ASTN2: variants seen among roughly 807,000 people sequenced by gnomAD.
The protein encoded by ASTN2 is astrotactin 2.
In ASTN2, 54 loss-of-function variants were observed where a neutral mutation model predicts 139.8. The ratio of observed to expected loss-of-function variants is 0.39; its 90% confidence interval spans 0.31 to 0.48. The LOEUF (loss-of-function observed/expected upper bound fraction) is 0.48. Among genes scored for constraint, ASTN2 ranks in the 20% least tolerant of loss-of-function variants. The pLI is 0.95. For missense variants in ASTN2, 1,565 were observed against 1,725.1 expected, an observed-to-expected ratio of 0.91 and a Z score of 1.64; for synonymous variants, 756 against 719.5, an observed-to-expected ratio of 1.05 and a Z score of -0.81.
At chr9:116,650,935 A>T (rs1184921365) in intron 17 of ASTN2, among the ~76,000 whole-genome samples, 2 of 146,736 alleles carry the variant, frequency 1.4e-5, no homozygotes, top group Admixed American at 6.7e-5. Flanking sequence ...TTTTTTTTTT[A>T]AACCAAGTCT....
At chr9:116,602,340 TAAG>T (rs1334034953) in intron 19 of ASTN2, among the ~76,000 whole-genome samples, 1 of 152,178 alleles carries the variant, frequency 6.6e-6, no homozygotes, top group Non-Finnish European at 1.5e-5. Context: ...GTCTTTGTTC[TAAG>T]AAGAAAAATT....
intron 2 of ASTN2, among the ~76,000 whole-genome samples, chr9:117,226,054 G>C (rs534451632): frequency 6.6e-6 from 1 of 152,126 alleles, no homozygotes; most frequent in South Asian, 2.1e-4. Context: ...ACATGGTAAG[G>C]GGCAAAGAGT....
rs1015287166 is a variant in ASTN2 at position 117,361,333 on chromosome 9, C to T, written c.442+53164G>A. Among the ~76,000 whole-genome samples the T allele has an allele frequency of 1.1e-4, 17 of 152,272 alleles. 1 individual carries two copies. The South Asian group carries it at 1.2e-3, about 11-fold the overall frequency. On this transcript the variant is annotated intron_variant, in intron 1 of 22. Transcript: ENST00000313400. ...GTGGGAGGCGGCCAGCATAGCAAGTCGCTCCCATGCATGGGGTCGTGTAGG... is the reference window on the plus strand; with the variant it reads ...GTGGGAGGCGGCCAGCATAGCAAGTTGCTCCCATGCATGGGGTCGTGTAGG...
intron 19 of ASTN2, among the ~76,000 whole-genome samples, chr9:116,525,951 C>T (rs1851071728): frequency 6.6e-6 from 1 of 152,220 alleles, no homozygotes; most frequent in East Asian, 1.9e-4. Flanking sequence ...TTTTCCTATG[C>T]TATTCCCTCA....
chr9:117,027,111 G>C (rs966514678), intron 6 of ASTN2, among the ~76,000 whole-genome samples: 3 of 152,162 alleles, frequency 2.0e-5, no homozygotes, highest in African/African-American at 7.2e-5. Context: ...TGAAAGGACG[G>C]TGATGGCAAT....
intron 2 of ASTN2, among the ~76,000 whole-genome samples, chr9:117,270,095 T>C (rs1834028875): frequency 6.6e-6 from 1 of 152,212 alleles, no homozygotes; most frequent in Non-Finnish European, 1.5e-5. Context: ...CAGTGTCACA[T>C]TACTAGCTGT....
At chr9:116,525,359 C>A (rs969284103) in intron 19 of ASTN2, among the ~76,000 whole-genome samples, 5 of 152,156 alleles carry the variant, frequency 3.3e-5, no homozygotes, top group African/African-American at 1.2e-4. Context: ...CTTCTTGGGG[C>A]CCTCCCAACA....
At chr9:117,395,065 T>C (rs1489012234) in intron 1 of ASTN2, among the ~76,000 whole-genome samples, 3 of 152,014 alleles carry the variant, frequency 2.0e-5, no homozygotes, top group African/African-American at 4.8e-5. Context: ...GACCCTTATT[T>C]CTCCCACAAC....
intron 10 of ASTN2, among the ~76,000 whole-genome samples, chr9:116,885,414 C>G (rs1360571216): frequency 1.3e-5 from 2 of 152,082 alleles, no homozygotes; most frequent in African/African-American, 4.8e-5. Context: ...GCCTATAATC[C>G]CAGCACTTTG....
At chr9:117,269,427 G>A (rs953291654) in intron 2 of ASTN2, among the ~76,000 whole-genome samples, 6 of 152,114 alleles carry the variant, frequency 3.9e-5, no homozygotes, top group African/African-American at 7.2e-5. Flanking sequence ...CTATTTCTGC[G>A]CTTGAAGGGG....
intron 2 of ASTN2, among the ~76,000 whole-genome samples, chr9:117,244,632 G>A (rs939468696): frequency 6.6e-5 from 9 of 136,432 alleles, no homozygotes; most frequent in Non-Finnish European, 1.4e-4. Flanking sequence ...AGAGAGGGAG[G>A]GATGGAGGAA....
At chr9:116,675,095 C>G (rs897005467) in intron 16 of ASTN2, among the ~76,000 whole-genome samples, 2 of 152,014 alleles carry the variant, frequency 1.3e-5, no homozygotes, top group Admixed American at 6.6e-5. Flanking sequence ...TGGTTCAGTG[C>G]CCCCCCACGC....
At chr9:116,541,858 A>G (rs1851889827) in intron 19 of ASTN2, among the ~76,000 whole-genome samples, 1 of 152,206 alleles carries the variant, frequency 6.6e-6, no homozygotes, top group Non-Finnish European at 1.5e-5. Flanking sequence ...TTAAATTTTA[A>G]GATAATTGTA....
chr9:117,357,801 G>A (rs1157321373), intron 1 of ASTN2, among the ~76,000 whole-genome samples: 1 of 152,110 alleles, frequency 6.6e-6, no homozygotes, highest in Non-Finnish European at 1.5e-5. Flanking sequence ...TACTTCTCCT[G>A]TAATTGCTGT....
intron 19 of ASTN2, among the ~76,000 whole-genome samples, chr9:116,504,763 T>A (rs1442214096): frequency 6.6e-6 from 1 of 151,818 alleles, no homozygotes; most frequent in African/African-American, 2.4e-5. Flanking sequence ...GGGTGTTGTA[T>A]CGTGCATCTG....
At chr9:117,017,482 G>A (rs1439810799) in intron 6 of ASTN2, among the ~76,000 whole-genome samples, 2 of 152,148 alleles carry the variant, frequency 1.3e-5, no homozygotes, top group African/African-American at 4.8e-5. Context: ...ACTTTGATAG[G>A]AGTCTAACGG....
chr9:117,241,918 C>A (rs2133074596), intron 2 of ASTN2, among the ~76,000 whole-genome samples: 1 of 147,048 alleles, frequency 6.8e-6, no homozygotes. Context: ...GTAGAACGTG[C>A]AAGTTACCCC....
intron 1 of ASTN2, among the ~76,000 whole-genome samples, chr9:117,413,012 G>T (rs958600192): frequency 6.6e-6 from 1 of 152,286 alleles, no homozygotes; most frequent in East Asian, 1.9e-4. Flanking sequence ...GGGAGTCCCC[G>T]AGGAACCTGC....
At chr9:117,405,455 T>C (rs1301264095) in intron 1 of ASTN2, among the ~76,000 whole-genome samples, 1 of 152,172 alleles carries the variant, frequency 6.6e-6, no homozygotes, top group African/African-American at 2.4e-5. Flanking sequence ...ACCTGGGACA[T>C]AGTACATGTT....
Sources: gnomAD v4.1 joint callset for allele counts (sites outside exome capture counted in the v4.1 genomes callset) on GRCh38, gnomAD v4.1.1 for gene constraint, MANE v1.5 for transcripts, NCBI Gene and HGNC (gene_info 2026-07-23, HGNC 2026-07-21) for gene names.